Variants in ASTN2 observed in about 807,000 individuals in gnomAD.
ASTN2 encodes the protein astrotactin 2.
ASTN2 carries 54 observed loss-of-function variants against 139.8 expected under a neutral mutation model. That is an observed-to-expected ratio of 0.39 (90% CI 0.31 to 0.48). ASTN2 has a LOEUF of 0.48. Among genes scored for constraint, ASTN2 ranks in the 20% least tolerant of loss-of-function variants. The probability of loss-of-function intolerance (pLI) is 0.95; values close to 1 mark genes in which losing one functional copy is unlikely to be tolerated. For synonymous variants in ASTN2, 756 were observed against 719.5 expected, an observed-to-expected ratio of 1.05 and a Z score of -0.81; for missense variants, 1,565 against 1,725.1, an observed-to-expected ratio of 0.91 and a Z score of 1.64.
intron 19 of ASTN2, among the ~76,000 whole-genome samples, chr9:116,523,546 C>T (rs1481027422): frequency 2.0e-5 from 3 of 152,094 alleles, no homozygotes; most frequent in South Asian, 2.1e-4. Flanking sequence ...GGTCATAATG[C>T]CTCCTTTGCA....
intron 19 of ASTN2, among the ~76,000 whole-genome samples, chr9:116,565,482 C>T (rs558821574): frequency 3.5e-5 from 5 of 144,052 alleles, no homozygotes; most frequent in Admixed American, 2.9e-4. Context: ...GGCTGGAGTG[C>T]AGTAGTGTGA....
In ASTN2 at chr9:117,060,510, A is replaced by AAAGGAAGG. The variant is rs1168618485; in HGVS notation, c.1277-20553_1277-20546dup. Reference sequence around the variant, plus strand: ...GAATGAAAGAAAGAAAGAAAGAAAGAAAGGAAGGAAGGAAGGAAGGAAGGA... The same window carrying AAAGGAAGG: ...GAATGAAAGAAAGAAAGAAAGAAAGAAAGGAAGGAAGGAAGGAAGGAAGGAAGGAAGGA... On this transcript the variant is annotated intron_variant, in intron 5 of 22. Coordinates refer to ENST00000313400, the MANE Select transcript of ASTN2 (RefSeq NM_001365068.1). 9.8e-5 allele frequency among the ~76,000 whole-genome samples: 8 copies of AAAGGAAGG among 81,528 alleles called. 1 individual carries two copies. Among genetic ancestry groups the AAAGGAAGG allele is most frequent in the African/African-American group, 5.2e-4 (8 of 15,460 alleles). 53.5% of individuals were successfully genotyped at this position (81,528 alleles called of 152,430 possible).
At chr9:116,567,651 A>C (rs1015073965) in intron 19 of ASTN2, among the ~76,000 whole-genome samples, 73 of 152,202 alleles carry the variant, frequency 4.8e-4, no homozygotes, top group Admixed American at 3.9e-3. Flanking sequence ...GAAGACAGCA[A>C]GACCAGTAAG....
At chr9:117,407,157 C>T (rs1447459760) in intron 1 of ASTN2, among the ~76,000 whole-genome samples, 1 of 152,062 alleles carries the variant, frequency 6.6e-6, no homozygotes, top group Non-Finnish European at 1.5e-5. Context: ...GGAATTTCCC[C>T]AGGGGATGGT....
chr9:117,234,399 C>T (rs530952567), intron 2 of ASTN2, among the ~76,000 whole-genome samples: 10 of 152,274 alleles, frequency 6.6e-5, no homozygotes, highest in Admixed American at 1.3e-4. Flanking sequence ...CCTCCTGAAC[C>T]GGCCATGTGT....
intron 7 of ASTN2, among the ~76,000 whole-genome samples, chr9:116,986,973 A>G (rs1171216428): frequency 1.3e-5 from 2 of 152,202 alleles, no homozygotes; most frequent in Non-Finnish European, 2.9e-5. Context: ...ATGTGCACTG[A>G]GGAATCCTGC....
chr9:117,187,472 TG>T (rs991544628), intron 3 of ASTN2, among the ~76,000 whole-genome samples: 36 of 152,310 alleles, frequency 2.4e-4, no homozygotes, highest in African/African-American at 7.7e-4. Flanking sequence ...TATTGAGAGA[TG>T]GGGCCTTTGA....
chr9:116,750,408 C>A (rs1829365201), intron 13 of ASTN2, among the ~76,000 whole-genome samples: 1 of 152,170 alleles, frequency 6.6e-6, no homozygotes, highest in Non-Finnish European at 1.5e-5. Flanking sequence ...CTGAAAGTTT[C>A]TTCTTCCCTT....
At chr9:117,052,759 A>G (rs1456102711) in intron 5 of ASTN2, among the ~76,000 whole-genome samples, 2 of 152,202 alleles carry the variant, frequency 1.3e-5, no homozygotes, top group African/African-American at 4.8e-5. Context: ...AGCAACCTTT[A>G]GGTCTTCATT....
chr9:116,906,665 C>CTTTGTT (rs1564334352), intron 10 of ASTN2, among the ~76,000 whole-genome samples: 25 of 46,932 alleles, frequency 5.3e-4, no homozygotes, highest in Admixed American at 1.0e-3. Context: ...AGCTTCTGGA[C>CTTTGTT]CTTGTTTTTG....
At chr9:117,303,794 G>A (rs1246897952) in intron 1 of ASTN2, among the ~76,000 whole-genome samples, 2 of 152,194 alleles carry the variant, frequency 1.3e-5, no homozygotes, top group African/African-American at 4.8e-5. Context: ...CTGTCAAGAG[G>A]TGAGTCTGTT....
rs186614821 is a variant in ASTN2 at position 116,976,173 on chromosome 9, C to A, written c.1692G>T (p.Thr564=). 7 of 1,613,946 alleles carry A rather than the reference C, an allele frequency of 4.3e-6. No homozygotes were observed. The Admixed American group carries it at 5.0e-5, about 12-fold the overall frequency. The change falls in exon 9 of 23, where the codon ACG becomes ACT. Residue 564 remains threonine, a synonymous_variant. Coordinates refer to ENST00000313400, the MANE Select transcript of ASTN2 (RefSeq NM_001365068.1). ...CCAGATCATAGCCCCTCTCAAGTGT[C>A]GTGTAGGGCCAAGGTCTATGGGAAG... ...WGQSEGPWPY[T]TLERGYDLVT... is the part of the protein sequence containing the mutation.
chr9:116,650,889 C>T (rs1857868806), intron 17 of ASTN2, among the ~76,000 whole-genome samples: 1 of 150,898 alleles, frequency 6.6e-6, no homozygotes, highest in Non-Finnish European at 1.5e-5. Flanking sequence ...GTCAATGCAG[C>T]ACAAGGAACA....
intron 13 of ASTN2, among the ~76,000 whole-genome samples, chr9:116,736,975 TCAGGACACCC>T (rs1301802438): frequency 6.6e-6 from 1 of 152,090 alleles, no homozygotes; most frequent in Non-Finnish European, 1.5e-5. Context: ...GGGGCCTGGC[TCAGGACACCC>T]CTTCTCGGAG....
At chr9:116,986,176 C>T (rs1463937970) in intron 7 of ASTN2, among the ~76,000 whole-genome samples, 2 of 145,558 alleles carry the variant, frequency 1.4e-5, no homozygotes, top group East Asian at 2.0e-4. Context: ...CCCCACCCCC[C>T]TGCAGTCACG....
At chr9:117,122,465 G>T (rs1270423731) in intron 4 of ASTN2, among the ~76,000 whole-genome samples, 2 of 152,140 alleles carry the variant, frequency 1.3e-5, no homozygotes, top group Admixed American at 1.3e-4. Context: ...GGAGGGAAAA[G>T]GATAAGCTTA....
intron 1 of ASTN2, among the ~76,000 whole-genome samples, chr9:117,348,353 A>T: frequency 6.6e-6 from 1 of 152,198 alleles, no homozygotes; most frequent in East Asian, 1.9e-4. Flanking sequence ...ACTCATTTCA[A>T]TTTGCCATTC....
chr9:116,773,216 C>A (rs1301113977), intron 13 of ASTN2, among the ~76,000 whole-genome samples: 1 of 152,064 alleles, frequency 6.6e-6, no homozygotes, highest in Non-Finnish European at 1.5e-5. Flanking sequence ...GGCCATTAGC[C>A]TTTAGCACAT....
intron 19 of ASTN2, among the ~76,000 whole-genome samples, chr9:116,496,640 G>A (rs4837566): frequency 0.31 from 47,304 of 151,996 alleles, 9,408 homozygotes; most frequent in African/African-American, 0.57. Flanking sequence ...CCATTGGTTG[G>A]GTCCTGTTTT....
Sources: gnomAD v4.1 joint callset for allele counts (sites outside exome capture counted in the v4.1 genomes callset) on GRCh38, gnomAD v4.1.1 for gene constraint, MANE v1.5 for transcripts, NCBI Gene and HGNC (gene_info 2026-07-23, HGNC 2026-07-21) for gene names.